Variants in COL24A1 observed in about 807,000 individuals in gnomAD.
The protein encoded by COL24A1 is collagen type XXIV alpha 1 chain, also known as collagen alpha-1(XXIV) chain.
COL24A1 carries 224 observed loss-of-function variants against 253.9 expected under a neutral mutation model. The observed-to-expected ratio is 0.88, with a 90% confidence interval of 0.79 to 0.99. The LOEUF (loss-of-function observed/expected upper bound fraction) is 0.99. Ranked by LOEUF, COL24A1 falls within the 50% of genes least tolerant of loss-of-function variation. The pLI, the probability that COL24A1 is intolerant of heterozygous loss-of-function variation, is 0.00. For missense variants in COL24A1, 2,131 were observed against 2,068.5 expected (o/e 1.03, Z -0.59); for synonymous variants, 685 against 673.7 (o/e 1.02, Z -0.26).
intron 35 of COL24A1, among the ~76,000 whole-genome samples, chr1:85,874,162 C>T (rs975896362): frequency 2.4e-4 from 36 of 152,158 alleles, no homozygotes; most frequent in African/African-American, 7.5e-4. Flanking sequence ...AAAATAAAGG[C>T]TGTCTATATT....
intron 1 of COL24A1, among the ~76,000 whole-genome samples, chr1:86,148,389 T>A (rs1324520411): frequency 1.3e-5 from 2 of 152,050 alleles, no homozygotes; most frequent in Non-Finnish European, 2.9e-5. Flanking sequence ...AGGGTACAAG[T>A]GCACAATGTG....
chr1:86,129,819 A>C (rs1450602415), intron 2 of COL24A1, among the ~76,000 whole-genome samples: 5 of 151,858 alleles, frequency 3.3e-5, no homozygotes, highest in Admixed American at 6.6e-5. Context: ...AATTTTCAAT[A>C]ACATTTCATA....
At chr1:85,926,573 G>T (rs1207728261) in intron 24 of COL24A1, among the ~76,000 whole-genome samples, 1 of 151,548 alleles carries the variant, frequency 6.6e-6, no homozygotes, top group Non-Finnish European at 1.5e-5. Context: ...AAGGACATAA[G>T]ACCAAACACT....
chr1:85,963,737 C>A (rs1691293989), intron 23 of COL24A1, among the ~76,000 whole-genome samples: 1 of 152,120 alleles, frequency 6.6e-6, no homozygotes, highest in Non-Finnish European at 1.5e-5. Context: ...CTAGGTAACA[C>A]AGAAGCCACC....
At chr1:85,785,959 GATTA>G (rs1271136423) in intron 48 of COL24A1, among the ~76,000 whole-genome samples, 8 of 152,190 alleles carry the variant, frequency 5.3e-5, no homozygotes, top group Admixed American at 3.3e-4. Flanking sequence ...ACGGTTATCA[GATTA>G]ATTAATTGGT....
At chr1:85,836,178 A>G (rs909713752) in intron 43 of COL24A1, among the ~76,000 whole-genome samples, 3 of 152,148 alleles carry the variant, frequency 2.0e-5, no homozygotes, top group African/African-American at 7.2e-5. Flanking sequence ...TTGGAGCTTT[A>G]TTTCTTTATG....
In COL24A1 at chr1:86,125,349, G is replaced by A. The variant is rs144766080; in HGVS notation, c.987C>T (p.Asn329=). 831 of 1,613,646 alleles carry A rather than the reference G, an allele frequency of 5.1e-4. 3 individuals are homozygous for A. The highest frequency in any genetic ancestry group is 8.3e-4 in the Middle Eastern group (5 of 6,058). The change falls in exon 3 of 60, where the codon AAC becomes AAT. Residue 329 remains asparagine (N), a synonymous_variant. Transcript: ENST00000370571. ...SGNVSAVDLT[N]HGIQAKEMIT... ...TCATTTCTTTGGCCTGAATCCCATG[G>A]TTTGTGAGATCCACAGCAGAGACAT...
intron 32 of COL24A1, among the ~76,000 whole-genome samples, chr1:85,886,195 GCAC>G (rs952094331): frequency 1.4e-4 from 21 of 151,842 alleles, no homozygotes; most frequent in African/African-American, 4.3e-4. Context: ...CTACAGGTGT[GCAC>G]CACCACATCT....
intron 37 of COL24A1, among the ~76,000 whole-genome samples, chr1:85,854,939 T>G (rs1678256414): frequency 6.6e-6 from 1 of 152,122 alleles, no homozygotes; most frequent in African/African-American, 2.4e-5. Flanking sequence ...CTTGACAGCG[T>G]GTTCCACCTG....
At chr1:85,982,492 C>CTT (rs34157359) in intron 20 of COL24A1, among the ~76,000 whole-genome samples, 17 of 146,656 alleles carry the variant, frequency 1.2e-4, no homozygotes, top group Middle Eastern at 3.5e-3. Flanking sequence ...TGCTTTCTAC[C>CTT]TTTTTTTTTT....
intron 45 of COL24A1, among the ~76,000 whole-genome samples, chr1:85,819,601 T>G (rs1043413184): frequency 5.9e-5 from 9 of 152,166 alleles, no homozygotes; most frequent in African/African-American, 1.7e-4. Flanking sequence ...ATTAAAAGTC[T>G]ATCTTTGAGT....
rs777345626 is a variant in COL24A1, at chr1:86,050,138, G to T, written c.1891C>A (p.Pro631Thr). The change falls in exon 11 of 60, where the codon CCT (proline) becomes ACT (threonine). Residue 631 changes from proline (P) to threonine (T), a missense_variant. Coordinates refer to ENST00000370571, the MANE Select transcript of COL24A1 (RefSeq NM_152890.7). ...AATGGACTTACCCGTTCTCCTTCAGGTCCCAGTTGTCCCGCTTCTCCAGGA... is the reference window on the plus strand; with the variant it reads ...AATGGACTTACCCGTTCTCCTTCAGTTCCCAGTTGTCCCGCTTCTCCAGGA... The part of the protein sequence containing the change: ...GSPGEAGQLG[P>T]EGERGIPGIR... The T allele has an allele frequency of 4.3e-6, 7 of 1,613,116 alleles. No homozygotes were observed. In the South Asian group the frequency reaches 4.4e-5, roughly 10 times the overall value.
intron 7 of COL24A1, among the ~76,000 whole-genome samples, chr1:86,085,148 T>C (rs1702968986): frequency 6.6e-6 from 1 of 152,178 alleles, no homozygotes; most frequent in Non-Finnish European, 1.5e-5. Flanking sequence ...CTATCCTTGC[T>C]TTAAAAAGTT....
rs373101598 is a variant in COL24A1 at position 85,832,548 on chromosome 1, C to G, written c.3681+6037G>C. Among the ~76,000 whole-genome samples the G allele has an allele frequency of 9.1e-3, 1,379 of 150,730 alleles. 68 individuals are homozygous for G. The highest frequency in any genetic ancestry group is 0.066 in the Admixed American group (989 of 15,048). ...GCCATTTTCACGATATTGATTCTTCCTACCCATGAGCATGGAATGTTCTTC... is the reference window on the plus strand; with the variant it reads ...GCCATTTTCACGATATTGATTCTTCGTACCCATGAGCATGGAATGTTCTTC... On this transcript the variant is annotated intron_variant, in intron 43 of 59. Coordinates refer to ENST00000370571, the MANE Select transcript of COL24A1 (RefSeq NM_152890.7).
intron 2 of COL24A1, among the ~76,000 whole-genome samples, chr1:86,138,458 C>G (rs917848042): frequency 1.3e-5 from 2 of 152,078 alleles, no homozygotes; most frequent in Non-Finnish European, 1.5e-5. Flanking sequence ...TGGGAGGGAC[C>G]TGGTGGGAGG....
chr1:85,969,193 G>A (rs562601970), intron 22 of COL24A1, among the ~76,000 whole-genome samples: 14 of 152,124 alleles, frequency 9.2e-5, no homozygotes, highest in South Asian at 6.2e-4. Flanking sequence ...TAATTCTCAC[G>A]AAAAATAAAA....
At chr1:85,741,334 G>A (rs1001412258) in intron 57 of COL24A1, among the ~76,000 whole-genome samples, 21 of 152,104 alleles carry the variant, frequency 1.4e-4, no homozygotes, top group Admixed American at 1.3e-4. Context: ...ATTATTTGTG[G>A]AAATAGTTTG....
At chr1:86,132,364 G>T (rs1376724558) in intron 2 of COL24A1, among the ~76,000 whole-genome samples, 3 of 152,080 alleles carry the variant, frequency 2.0e-5, no homozygotes, top group Non-Finnish European at 1.5e-5. Flanking sequence ...AAGCTCTTTA[G>T]TGTAGTTAGA....
chr1:86,124,777 A>T, intron 3 of COL24A1, 68 bp downstream of exon 3: 1 of 1,241,584 alleles, frequency 8.1e-7, no homozygotes, highest in Non-Finnish European at 1.1e-6. Flanking sequence ...TCTCTTTAAA[A>T]TGTATTTTAA....
Sources: allele counts gnomAD v4.1 joint callset (sites outside exome capture counted in the v4.1 genomes callset), GRCh38; gene constraint gnomAD v4.1.1; transcripts MANE v1.5; gene names NCBI Gene and HGNC (gene_info 2026-07-23, HGNC 2026-07-21).